CDH2: variants seen among roughly 807,000 people sequenced by gnomAD.
The protein encoded by CDH2 is cadherin 2, also known as cadherin-2.
Under a neutral mutation model 92.0 loss-of-function variants are expected in CDH2, and 17 were observed. The ratio of observed to expected loss-of-function variants is 0.18; its 90% confidence interval spans 0.13 to 0.28. CDH2 has a LOEUF of 0.28. Among genes scored for constraint, CDH2 ranks in the 10% least tolerant of loss-of-function variants. The pLI, the probability that CDH2 is intolerant of heterozygous loss-of-function variation, is 1.00. For missense variants in CDH2, 862 were observed against 1,133.1 expected (o/e 0.76, Z 3.44); for synonymous variants, 419 against 415.9 (o/e 1.01, Z -0.09).
intron 2 of CDH2, among the ~76,000 whole-genome samples, chr18:28,140,838 TAAACAA>T (rs2015940876): frequency 3.3e-5 from 5 of 150,298 alleles, no homozygotes; most frequent in African/African-American, 1.2e-4. Flanking sequence ...AACACAAAGG[TAAACAA>T]CTCAATTTAA....
At chr18:28,039,178 A>G (rs1008285520) in intron 2 of CDH2, among the ~76,000 whole-genome samples, 8 of 152,006 alleles carry the variant, frequency 5.3e-5, no homozygotes, top group South Asian at 2.1e-4. Context: ...TTCCACAGCT[A>G]TTGGAAGCTA....
chr18:27,943,542 C>T (rs533965482), intron 6 of CDH2, among the ~76,000 whole-genome samples: 1 of 152,292 alleles, frequency 6.6e-6, no homozygotes, highest in South Asian at 2.1e-4. Context: ...TAACTGTATG[C>T]AGCTTCTTGA....
rs1489617243 is a variant in CDH2 at position 27,990,260 on chromosome 18, G to A, written c.1435C>T (p.Gln479Ter). The A allele has an allele frequency of 6.2e-7, 1 of 1,614,066 alleles. No homozygotes were observed. Among genetic ancestry groups the A allele is most frequent in the Non-Finnish European group, 8.5e-7 (1 of 1,179,926 alleles). ...PLAKGIQHPPQSTATVSVTVI... is the reference protein window; with the variant it reads ...PLAKGIQHPP ...GTAACAGACACGGTTGCAGTTGACTGAGGGGGGTGCTGAATTCCCTTGGCT... is the reference window on the plus strand; with the variant it reads ...GTAACAGACACGGTTGCAGTTGACTAAGGGGGGTGCTGAATTCCCTTGGCT... Residue 479 changes from glutamine (Q) to a stop codon, truncating the protein, a stop_gained, in exon 10 of 16, where the codon CAG becomes TAG. Coordinates refer to ENST00000269141, the MANE Select transcript of CDH2 (RefSeq NM_001792.5). LOFTEE classifies it high-confidence loss of function.
chr18:28,153,690 C>T (rs2016161797), intron 1 of CDH2, among the ~76,000 whole-genome samples: 1 of 152,194 alleles, frequency 6.6e-6, no homozygotes, highest in African/African-American at 2.4e-5. Flanking sequence ...AACAGTTCCC[C>T]ATCTGTACAA....
At chr18:28,095,807 C>CAA (rs33981188) in intron 2 of CDH2, among the ~76,000 whole-genome samples, 16 of 102,928 alleles carry the variant, frequency 1.6e-4, no homozygotes, top group African/African-American at 2.9e-4. Flanking sequence ...GCAACTCCAT[C>CAA]AAAAAAAAAA....
intron 2 of CDH2, 58 bp from the exon 3 acceptor site, chr18:28,013,967 A>AAAAAC: frequency 1.7e-6 from 2 of 1,167,094 alleles, no homozygotes; most frequent in Admixed American, 4.1e-5. Flanking sequence ...GCAAAAAAAA[A>AAAAAC]CCCCTAATAC....
At chr18:27,940,929 C>A (rs1478546274) in intron 6 of CDH2, among the ~76,000 whole-genome samples, 1 of 151,914 alleles carries the variant, frequency 6.6e-6, no homozygotes, top group Non-Finnish European at 1.5e-5. Flanking sequence ...TGACCTGTTT[C>A]TCTGGGTTGT....
intron 6 of CDH2, among the ~76,000 whole-genome samples, chr18:27,937,178 C>A (rs1190441908): frequency 6.6e-6 from 1 of 151,916 alleles, no homozygotes. Flanking sequence ...CCAAAACATG[C>A]AAAATTTACA....
intron 2 of CDH2, among the ~76,000 whole-genome samples, chr18:28,030,940 G>C (rs2013679105): frequency 6.6e-6 from 1 of 151,844 alleles, no homozygotes; most frequent in Non-Finnish European, 1.5e-5. Flanking sequence ...ATCTCCTTCA[G>C]TGCCTTAAGG....
intron 14 of CDH2, among the ~76,000 whole-genome samples, chr18:27,971,307 T>C (rs2011652099): frequency 6.7e-6 from 1 of 149,030 alleles, no homozygotes; most frequent in African/African-American, 2.5e-5. Flanking sequence ...GCATGTCAGT[T>C]CTTTTTTTTT....
In CDH2 at chr18:28,075,086, T is replaced by C. The variant is rs571634516; in HGVS notation, c.173-61177A>G. Among the ~76,000 whole-genome samples the C allele has an allele frequency of 3.3e-5, 5 of 152,290 alleles. No homozygotes were observed. In the South Asian group the frequency reaches 1.0e-3, roughly 32 times the overall value. ...GAGTTTATTCACTCATTCTATAGTT[T>C]TGTTATTTTCTTTCAGCACCTTTAT... is the stretch of plus-strand genomic sequence containing the variant. On this transcript the variant is annotated intron_variant, in intron 2 of 15. Transcript: ENST00000269141.
intron 15 of CDH2, chr18:27,954,576 A>G (rs1243526560): frequency 1.3e-5 from 2 of 152,172 alleles, no homozygotes; most frequent in Admixed American, 6.5e-5. Flanking sequence ...CGAAGACGAC[A>G]TATGGATCAG....
chr18:28,162,581 T>C (rs2016322314), intron 1 of CDH2, among the ~76,000 whole-genome samples: 1 of 152,120 alleles, frequency 6.6e-6, no homozygotes, highest in East Asian at 1.9e-4. Context: ...TTAAGCCGAG[T>C]TTGCTCCATG....
chr18:28,095,133 G>A (rs1055687474), intron 2 of CDH2, among the ~76,000 whole-genome samples: 1 of 152,022 alleles, frequency 6.6e-6, no homozygotes. Context: ...CCTTGTAAAT[G>A]GCCAGGCTTC....
At chr18:27,947,716 T>A (rs990925749), downstream of CDH2, among the ~76,000 whole-genome samples, 4 of 79,288 alleles carry the variant, frequency 5.0e-5, no homozygotes, top group Non-Finnish European at 3.5e-5. Flanking sequence ...ATATGTGATA[T>A]AAGTATGTGA....
At chr18:27,974,419 G>C (rs1405408516) in intron 14 of CDH2, among the ~76,000 whole-genome samples, 2 of 152,128 alleles carry the variant, frequency 1.3e-5, no homozygotes, top group Non-Finnish European at 2.9e-5. Context: ...GAAAGGATTA[G>C]GAAACAAGAA....
At position 27,993,499 on chromosome 18, in the gene CDH2, C is replaced by T. The variant is rs2012488278; in HGVS notation, c.1158+1G>A. 6.2e-7 allele frequency: 1 copy of T among 1,613,378 alleles called. No homozygotes were observed. The highest frequency in any genetic ancestry group is 8.5e-7 in the Non-Finnish European group (1 of 1,179,686). ...TTGTGTGAGTGACAGGCTGTACTCA[C>T]CGTCATGGCAGTAAACTCTGGAGGA... On this transcript the variant is annotated splice_donor_variant, in intron 8 of 15. Transcript: ENST00000269141. LOFTEE classifies it high-confidence loss of function.
At chr18:28,084,627 C>T (rs1423485591) in intron 2 of CDH2, among the ~76,000 whole-genome samples, 1 of 151,762 alleles carries the variant, frequency 6.6e-6, no homozygotes, top group Non-Finnish European at 1.5e-5. Flanking sequence ...ATCAAAAGTA[C>T]CAGACTGCTC....
chr18:27,945,561 A>T (rs1164687780), intron 6 of CDH2, among the ~76,000 whole-genome samples: 4 of 152,010 alleles, frequency 2.6e-5, no homozygotes, highest in African/African-American at 9.7e-5. Flanking sequence ...TAAGGAAAAA[A>T]CTTTTAAATC....
Sources: gnomAD v4.1 joint callset for allele counts (sites outside exome capture counted in the v4.1 genomes callset) on GRCh38, gnomAD v4.1.1 for gene constraint, MANE v1.5 for transcripts, NCBI Gene and HGNC (gene_info 2026-07-23, HGNC 2026-07-21) for gene names.